Variants in DYNC2H1 observed in about 807,000 individuals in gnomAD.
The protein encoded by DYNC2H1 is cytoplasmic dynein 2 heavy chain 1.
A neutral mutation model predicts 570.0 loss-of-function variants in DYNC2H1; 410 were observed. The observed-to-expected ratio is 0.72, with a 90% confidence interval of 0.66 to 0.78. The LOEUF (loss-of-function observed/expected upper bound fraction) is 0.78, where lower values mean the gene tolerates loss of function less well. Ranked by LOEUF, DYNC2H1 falls within the 30% of genes least tolerant of loss-of-function variation. The probability of loss-of-function intolerance (pLI) is 0.00; values close to 1 mark genes in which losing one functional copy is unlikely to be tolerated. For missense variants in DYNC2H1, 4,865 were observed against 5,046.4 expected, an observed-to-expected ratio of 0.96 and a Z score of 1.09; for synonymous variants, 1,688 against 1,677.6, an observed-to-expected ratio of 1.01 and a Z score of -0.15.
At position 103,186,667 on chromosome 11, in the gene DYNC2H1, T is replaced by G. The variant is rs1038279262; in HGVS notation, c.6893+166T>G. On this transcript the variant is annotated intron_variant, in intron 42 of 88. Coordinates refer to ENST00000375735, the MANE Select transcript of DYNC2H1 (RefSeq NM_001377.3). This position sits in a 1 kb window ranked among gnomAD's most constrained non-coding sequence, Gnocchi z 4.5. Reference sequence around the variant, plus strand: ...TAAAAATAAGAACTATGGGGAATAGTGTGTCCTTTTCTTTTCCAGGTTGTG... The same window carrying G: ...TAAAAATAAGAACTATGGGGAATAGGGTGTCCTTTTCTTTTCCAGGTTGTG... Among the ~76,000 whole-genome samples the G allele has an allele frequency of 6.6e-6, 1 of 151,844 alleles. No individual in the cohort carries two copies. Among genetic ancestry groups the G allele is most frequent in the East Asian group, 1.9e-4 (1 of 5,192 alleles).
intron 17 of DYNC2H1, among the ~76,000 whole-genome samples, chr11:103,142,345 A>G (rs1484439655): frequency 6.6e-6 from 1 of 151,924 alleles, no homozygotes; most frequent in Admixed American, 6.6e-5. Flanking sequence ...CTATTTGGCC[A>G]TCTTCGCTTT....
chr11:103,157,932 G>A lies in DYNC2H1; in HGVS notation c.4128-745G>A, dbSNP rs1359925253. Among the ~76,000 whole-genome samples the A allele has an allele frequency of 6.6e-6, 1 of 152,018 alleles. No individual in the cohort carries two copies. Among genetic ancestry groups the A allele is most frequent in the Non-Finnish European group, 1.5e-5 (1 of 67,992 alleles). ...TCTTCCCAGAATCTTTGCCAGAAAC[G>A]TCTTCTACTCACTCACTTTTTCATT... On this transcript the variant is annotated intron_variant, in intron 26 of 88. Coordinates refer to ENST00000375735, the MANE Select transcript of DYNC2H1 (RefSeq NM_001377.3). This position sits in a 1 kb window ranked among gnomAD's most constrained non-coding sequence, Gnocchi z 4.2.
intron 21 of DYNC2H1, 30 bp downstream of exon 21, chr11:103,152,315 G>T: frequency 1.3e-6 from 2 of 1,543,818 alleles, no homozygotes; most frequent in South Asian, 2.5e-5. Flanking sequence ...TTATTAAAAT[G>T]GGAACTTTTT....
chr11:103,453,378 A>G (rs1380754938), intron 85 of DYNC2H1, among the ~76,000 whole-genome samples: 1 of 151,954 alleles, frequency 6.6e-6, no homozygotes, highest in Non-Finnish European at 1.5e-5. Context: ...AAATATGCTT[A>G]TCGTTTCTGC....
At chr11:103,262,414 T>A (rs757213663) in intron 70 of DYNC2H1, among the ~76,000 whole-genome samples, 2 of 152,000 alleles carry the variant, frequency 1.3e-5, no homozygotes, top group South Asian at 4.2e-4. Flanking sequence ...TTCACCAAGG[T>A]TGAAATGTAG....
chr11:103,323,017 A>G (rs528589019), intron 81 of DYNC2H1, among the ~76,000 whole-genome samples: 42 of 152,334 alleles, frequency 2.8e-4, no homozygotes, highest in African/African-American at 9.6e-4. Flanking sequence ...CTGGAGTCCA[A>G]CTGTCTCCTT....
chr11:103,145,570 AAAC>A lies in DYNC2H1; in HGVS notation c.2702+2181_2702+2183del, dbSNP rs1370576358. Reference sequence around the variant, plus strand: ...TCCTTGCCAAAAGAAAAAAAAATAAAAACAACAATGCCTATCCCACACTGTATT... The same window carrying A: ...TCCTTGCCAAAAGAAAAAAAAATAAAAACAATGCCTATCCCACACTGTATT... On this transcript the variant is annotated intron_variant, in intron 18 of 88. Transcript: ENST00000375735. The surrounding 1 kb of genome is among the most constrained non-coding windows in gnomAD (Gnocchi z 4.2). Among the ~76,000 whole-genome samples the A allele has an allele frequency of 2.0e-5, 3 of 152,196 alleles. No individual in the cohort carries two copies. Among genetic ancestry groups the A allele is most frequent in the Non-Finnish European group, 4.4e-5 (3 of 68,036 alleles).
In DYNC2H1 at chr11:103,203,524, G is replaced by T; in HGVS notation, c.8198-139G>T. On this transcript the variant is annotated intron_variant, in intron 50 of 88. Coordinates refer to ENST00000375735, the MANE Select transcript of DYNC2H1 (RefSeq NM_001377.3). The surrounding 1 kb of genome is among the most constrained non-coding windows in gnomAD (Gnocchi z 4.7). ...TTATCAAATGAGGGCTATAGATAAAGATTTGTGAGTCAAGTAGAGGTAATA... is the reference window on the plus strand; with the variant it reads ...TTATCAAATGAGGGCTATAGATAAATATTTGTGAGTCAAGTAGAGGTAATA... The T allele has an allele frequency of 1.7e-6, 1 of 586,736 alleles. No individual in the cohort carries two copies. Among genetic ancestry groups the T allele is most frequent in the Non-Finnish European group, 2.9e-6 (1 of 343,466 alleles). 36.3% of individuals were successfully genotyped at this position (586,736 alleles called of 1,614,324 possible).
intron 75 of DYNC2H1, among the ~76,000 whole-genome samples, chr11:103,296,626 C>T (rs936513410): frequency 1.4e-4 from 21 of 152,248 alleles, no homozygotes; most frequent in African/African-American, 5.1e-4. Flanking sequence ...CTTTCTCTGA[C>T]TGTGAATGAA....
intron 52 of DYNC2H1, among the ~76,000 whole-genome samples, chr11:103,207,400 A>G (rs1045576761): frequency 1.3e-5 from 2 of 152,146 alleles, no homozygotes; most frequent in Non-Finnish European, 2.9e-5. Flanking sequence ...TGGAAGAATT[A>G]AGGATCGGCA....
intron 59 of DYNC2H1, among the ~76,000 whole-genome samples, chr11:103,227,622 T>A (rs1408221439): frequency 6.6e-6 from 1 of 152,140 alleles, no homozygotes; most frequent in Non-Finnish European, 1.5e-5. Flanking sequence ...TTTTGGAGAA[T>A]GTTCCATGTG....
At position 103,129,691 on chromosome 11, in the gene DYNC2H1, GA is replaced by G. The variant is rs969283232; in HGVS notation, c.1953+694del. On this transcript the variant is annotated intron_variant, in intron 13 of 88. Coordinates refer to ENST00000375735, the MANE Select transcript of DYNC2H1 (RefSeq NM_001377.3). This position sits in a 1 kb window ranked among gnomAD's most constrained non-coding sequence, Gnocchi z 4.1. ...AGAGCGACTCCATCTCAAAAAAAAA[GA>G]AAAAAAAGAAAGAAAAAGAAATTAG... Among the ~76,000 whole-genome samples the G allele has an allele frequency of 8.6e-5, 13 of 150,702 alleles. No homozygotes were observed. Among genetic ancestry groups the G allele is most frequent in the Admixed American group, 4.0e-4 (6 of 15,110 alleles).
Position 103,479,162 on chromosome 11 carries a change from A to G in DYNC2H1, c.12833A>G (p.Asp4278Gly), listed in dbSNP as rs200268681. Reference protein sequence around the residue: ...SLPVYTSAERDRVVTNIDVPC... With the variant: ...SLPVYTSAERGRVVTNIDVPC... ...CCTGTTTACACAAGTGCTGAAAGGG[A>G]TCGTGTGGTTACCAATATTGATGTT... Residue 4278 changes from aspartate (D) to glycine (G), a missense_variant, in exon 89 of 89, where the codon GAT becomes GGT. By Grantham distance (94) the Asp-to-Gly change is moderately conservative. Transcript: ENST00000375735. The G allele has an allele frequency of 6.2e-7, 1 of 1,613,576 alleles. No homozygotes were observed. Among genetic ancestry groups the G allele is most frequent in the Non-Finnish European group, 8.5e-7 (1 of 1,179,550 alleles).
At chr11:103,253,573 T>C in intron 66 of DYNC2H1, 125 bp downstream of exon 66, 1 of 948,250 alleles carries the variant, frequency 1.1e-6, no homozygotes, top group Non-Finnish European at 1.5e-6. Flanking sequence ...TTGAAAATAA[T>C]ACTTGTATGT....
rs1941668191 is a variant in DYNC2H1, at chr11:103,381,994, A to T, written c.12157-17669A>T. 2.0e-5 allele frequency among the ~76,000 whole-genome samples: 3 copies of T among 152,324 alleles called. No homozygotes were observed. The South Asian group carries it at 6.2e-4, about 32-fold the overall frequency. On this transcript the variant is annotated intron_variant, in intron 83 of 88. Coordinates refer to ENST00000375735, the MANE Select transcript of DYNC2H1 (RefSeq NM_001377.3). ...TTTGAAAACAATAATTTGAAAAGCAAAATACTGAAAAGTATAACACCCAAA... is the reference window on the plus strand; with the variant it reads ...TTTGAAAACAATAATTTGAAAAGCATAATACTGAAAAGTATAACACCCAAA...
chr11:103,356,640 G>A (rs554857524), intron 82 of DYNC2H1, among the ~76,000 whole-genome samples: 17 of 152,158 alleles, frequency 1.1e-4, no homozygotes, highest in African/African-American at 4.1e-4. Flanking sequence ...TGATAAATTA[G>A]GTGCTATTGT....
intron 1 of DYNC2H1, among the ~76,000 whole-genome samples, chr11:103,111,065 A>T (rs564398139): frequency 2.8e-4 from 43 of 152,240 alleles, no homozygotes; most frequent in African/African-American, 9.9e-4. Context: ...ACCTCAGGTG[A>T]TCCACCCGCC....
In DYNC2H1 at chr11:103,186,073, A is replaced by G. The variant is rs1331932423; in HGVS notation, c.6634-169A>G. 6.6e-6 allele frequency among the ~76,000 whole-genome samples: 1 copy of G among 152,040 alleles called. No individual in the cohort carries two copies. The highest frequency in any genetic ancestry group is 1.5e-5 in the Non-Finnish European group (1 of 67,962). On this transcript the variant is annotated intron_variant, in intron 41 of 88. Transcript: ENST00000375735. This position sits in a 1 kb window ranked among gnomAD's most constrained non-coding sequence, Gnocchi z 4.5. ...TTTACTTGCATAAATGATCATTTAG[A>G]GAAAAATATTTGAGATAAAATGTTA...
chr11:103,419,469 G>GGT (rs1197313476), intron 84 of DYNC2H1, among the ~76,000 whole-genome samples: 1 of 151,994 alleles, frequency 6.6e-6, no homozygotes, highest in Non-Finnish European at 1.5e-5. Flanking sequence ...AGCCTTCACT[G>GGT]GTGATGCCTC....
Sources: allele counts gnomAD v4.1 joint callset (sites outside exome capture counted in the v4.1 genomes callset), GRCh38; gene constraint gnomAD v4.1.1; non-coding constraint Gnocchi (gnomAD v3.1); transcripts MANE v1.5; gene names NCBI Gene and HGNC (gene_info 2026-07-23, HGNC 2026-07-21).